GLI3: variants seen among roughly 807,000 people sequenced by gnomAD.
GLI3 encodes the protein transcription activator GLI3.
In GLI3, 20 loss-of-function variants were observed where a neutral mutation model predicts 100.8. The observed-to-expected ratio is 0.20, with a 90% CI of 0.14 to 0.29. The LOEUF is 0.29. Among genes scored for constraint, GLI3 ranks in the 10% least tolerant of loss-of-function variants. The pLI, the probability that GLI3 is intolerant of heterozygous loss-of-function variation, is 1.00. For missense variants in GLI3, 2,040 were observed against 2,128.5 expected, an observed-to-expected ratio of 0.96 and a Z score of 0.82; for synonymous variants, 938 against 860.5, an observed-to-expected ratio of 1.09 and a Z score of -1.58.
chr7:42,099,597 G>C (rs891264754), intron 3 of GLI3, among the ~76,000 whole-genome samples: 4 of 152,176 alleles, frequency 2.6e-5, no homozygotes, highest in African/African-American at 9.7e-5. Flanking sequence ...AGGCTGGAGT[G>C]CAGAGGTGCG....
chr7:42,211,132 T>C (rs1308966870), intron 2 of GLI3, among the ~76,000 whole-genome samples: 3 of 152,234 alleles, frequency 2.0e-5, no homozygotes, highest in Non-Finnish European at 2.9e-5. Context: ...TCAAAGAAAG[T>C]GCTTTGAATT....
At chr7:42,191,156 T>G (rs61428880) in intron 2 of GLI3, among the ~76,000 whole-genome samples, 2,654 of 152,116 alleles carry the variant, frequency 0.017, 74 homozygotes, top group African/African-American at 0.061. Context: ...ATAAAAATAT[T>G]ATTATTGGCA....
At chr7:42,251,179 GC>G (rs1789027108) in intron 1 of GLI3, among the ~76,000 whole-genome samples, 1 of 152,172 alleles carries the variant, frequency 6.6e-6, no homozygotes, top group Non-Finnish European at 1.5e-5. Flanking sequence ...TGGTCCAGCC[GC>G]CCCCAACCTT....
chr7:41,969,677 C>A (rs995955728), intron 13 of GLI3, among the ~76,000 whole-genome samples: 3 of 152,196 alleles, frequency 2.0e-5, no homozygotes, highest in African/African-American at 7.2e-5. Context: ...AGAGTGTGTG[C>A]AGACATGAAC....
chr7:42,022,450 T>TA (rs984944097), intron 10 of GLI3, among the ~76,000 whole-genome samples: 22 of 151,272 alleles, frequency 1.5e-4, no homozygotes, highest in Admixed American at 5.9e-4. Context: ...ACAGTTACTG[T>TA]AAAAAAAAGA....
chr7:41,968,751 A>G (rs199699838), intron 13 of GLI3, among the ~76,000 whole-genome samples: 20,321 of 96,332 alleles, frequency 0.21, 2,396 homozygotes, highest in Non-Finnish European at 0.27. Context: ...AAAGAAAGAA[A>G]GAAAGAAAGA....
At chr7:42,200,890 A>T (rs73311708) in intron 2 of GLI3, among the ~76,000 whole-genome samples, 1 of 152,158 alleles carries the variant, frequency 6.6e-6, no homozygotes, top group East Asian at 1.9e-4. Context: ...CATGAAAACC[A>T]TTTCTAGGAG....
intron 1 of GLI3, 40 bp from the exon 2 acceptor site, chr7:42,223,335 G>GAAA: frequency 1.1e-6 from 1 of 932,354 alleles, no homozygotes; most frequent in South Asian, 1.5e-5. Flanking sequence ...CCAAAATGGT[G>GAAA]GAAAAAAAAA....
chr7:42,210,246 A>G (rs770927960), intron 2 of GLI3, among the ~76,000 whole-genome samples: 8 of 151,798 alleles, frequency 5.3e-5, no homozygotes, highest in Non-Finnish European at 1.2e-4. Flanking sequence ...GAGCTTGAAA[A>G]CTGACATTAT....
At chr7:42,080,528 GT>G (rs1415219316) in intron 3 of GLI3, among the ~76,000 whole-genome samples, 5 of 152,286 alleles carry the variant, frequency 3.3e-5, no homozygotes, top group Non-Finnish European at 1.5e-5. Context: ...GCAGAAGTCT[GT>G]GTGGACAATT....
intron 3 of GLI3, among the ~76,000 whole-genome samples, chr7:42,106,682 A>G (rs1223405938): frequency 6.6e-6 from 1 of 152,236 alleles, no homozygotes; most frequent in Non-Finnish European, 1.5e-5. Flanking sequence ...TCACACAGCT[A>G]AAGTTACTCA....
intron 2 of GLI3, among the ~76,000 whole-genome samples, chr7:42,209,840 C>T (rs1264771454): frequency 7.2e-6 from 1 of 138,674 alleles, no homozygotes; most frequent in African/African-American, 2.6e-5. Flanking sequence ...TTTTTTGAGA[C>T]AGTCTTGCTC....
chr7:41,978,504 A>G, intron 11 of GLI3, 95 bp downstream of exon 11: 6 of 1,229,150 alleles, frequency 4.9e-6, no homozygotes, highest in Non-Finnish European at 7.2e-6. Context: ...TTGCCACCCA[A>G]CCACGCTTCC....
intron 3 of GLI3, among the ~76,000 whole-genome samples, chr7:42,135,916 A>G (rs1350164624): frequency 6.6e-6 from 1 of 152,064 alleles, no homozygotes; most frequent in Non-Finnish European, 1.5e-5. Context: ...GCCACATGTA[A>G]GCATTAAGTA....
rs1484390026 is a variant in GLI3 at position 42,148,317 on chromosome 7, C to T, written c.276G>A (p.Gly92=). The change falls in exon 3 of 15, where the codon GGG becomes GGA. Residue 92 remains glycine, a synonymous_variant. Transcript: ENST00000395925. ...RASLIKKEIH[G]SLPHVAEPSV... is the part of the protein sequence containing the mutation. ...AGGGCTCCGCCACGTGTGGCAGGGA[C>T]CCATGGATCTCTTTCTTGATCAATG... 1.2e-6 allele frequency: 2 copies of T among 1,613,470 alleles called. No individual in the cohort carries two copies. The highest frequency in any genetic ancestry group is 2.7e-5 in the African/African-American group (2 of 74,910).
chr7:42,034,723 C>T (rs1789390284), intron 7 of GLI3, among the ~76,000 whole-genome samples: 1 of 152,132 alleles, frequency 6.6e-6, no homozygotes, highest in African/African-American at 2.4e-5. Context: ...GAATTAGGCC[C>T]GTGGTGCTAT....
chr7:41,995,136 G>A (rs1465398389), intron 10 of GLI3, among the ~76,000 whole-genome samples: 1 of 152,186 alleles, frequency 6.6e-6, no homozygotes, highest in Non-Finnish European at 1.5e-5. Flanking sequence ...AATGATGTCT[G>A]TATATTTCAT....
At chr7:42,187,921 C>T (rs984305580) in intron 2 of GLI3, among the ~76,000 whole-genome samples, 4 of 143,686 alleles carry the variant, frequency 2.8e-5, no homozygotes, top group African/African-American at 8.0e-5. Flanking sequence ...GAGAATCGCT[C>T]GAACCCGGGA....
At chr7:41,995,168 G>GT (rs1437528984) in intron 10 of GLI3, among the ~76,000 whole-genome samples, 1 of 152,206 alleles carries the variant, frequency 6.6e-6, no homozygotes, top group Non-Finnish European at 1.5e-5. Context: ...CACAACTGCA[G>GT]TACAAGTATC....
Sources: allele counts gnomAD v4.1 joint callset (sites outside exome capture counted in the v4.1 genomes callset), GRCh38; gene constraint gnomAD v4.1.1; transcripts MANE v1.5; gene names NCBI Gene and HGNC (gene_info 2026-07-23, HGNC 2026-07-21).